KIAA2012: variants seen among roughly 807,000 people sequenced by gnomAD.
The protein encoded by KIAA2012 is KIAA2012.
In KIAA2012, 125 loss-of-function variants were observed where a neutral mutation model predicts 150.6. The observed-to-expected ratio is 0.83, with a 90% confidence interval of 0.72 to 0.96. KIAA2012 has a LOEUF of 0.96. KIAA2012 is among the 40% of genes least tolerant of loss of function. The probability of loss-of-function intolerance (pLI) is 0.00; values close to 1 mark genes in which losing one functional copy is unlikely to be tolerated. For missense variants in KIAA2012, 1,219 were observed against 1,354.9 expected, an observed-to-expected ratio of 0.90 and a Z score of 1.57; for synonymous variants, 462 against 504.7, an observed-to-expected ratio of 0.92 and a Z score of 1.13.
chr2:202,131,905 G>A (rs1690939376), intron 12 of KIAA2012, among the ~76,000 whole-genome samples: 2 of 152,168 alleles, frequency 1.3e-5, no homozygotes, highest in South Asian at 2.1e-4. Context: ...GCCTGGTGCG[G>A]TGGCTCATGC....
In KIAA2012 at chr2:202,103,045, C is replaced by G; in HGVS notation, c.1255C>G (p.Leu419Val). Residue 419 changes from leucine (L) to valine (V), a missense_variant, in exon 8 of 24, where the codon CTC becomes GTC. Leu to Val is a conservative substitution (Grantham distance 32). Coordinates refer to ENST00000498697, the MANE Select transcript of KIAA2012 (RefSeq NM_001277372.4). ...TAAAGCCAATGAGCCCCCAACAGAG[C>G]TCTTCATCTTACCGGTGGAGATTCA... ...QFKANEPPTE[L>V]FILPVEIHYH... is the part of the protein sequence containing the mutation. The G allele has an allele frequency of 1.3e-6, 2 of 1,550,602 alleles. No individual in the cohort carries two copies. The highest frequency in any genetic ancestry group is 1.7e-6 in the Non-Finnish European group (2 of 1,147,002).
intron 13 of KIAA2012, among the ~76,000 whole-genome samples, chr2:202,149,241 G>A (rs1043895861): frequency 3.3e-5 from 5 of 152,158 alleles, no homozygotes; most frequent in Non-Finnish European, 7.3e-5. Flanking sequence ...ATCAGCCAAC[G>A]AGGGGAGCCT....
chr2:202,146,761 C>T (rs991481186), intron 13 of KIAA2012, among the ~76,000 whole-genome samples: 2 of 151,982 alleles, frequency 1.3e-5, no homozygotes, highest in Admixed American at 6.6e-5. Context: ...GTCATACGAC[C>T]GCACTCCAGT....
intron 5 of KIAA2012, among the ~76,000 whole-genome samples, chr2:202,098,789 CGTGTGTGTGTGT>C (rs10536026): frequency 2.2e-4 from 32 of 148,408 alleles, no homozygotes; most frequent in Non-Finnish European, 4.3e-4. Context: ...ACTCTAAGGC[CGTGTGTGTGTGT>C]GTGTGTGTGT....
At position 202,131,554 on chromosome 2, in the gene KIAA2012, G is replaced by A. The variant is rs1292417529; in HGVS notation, c.1831+6272G>A. Among the ~76,000 whole-genome samples the A allele has an allele frequency of 3.3e-5, 5 of 152,358 alleles. No homozygotes were observed. The South Asian group carries it at 1.0e-3, about 32-fold the overall frequency. The stretch of plus-strand genomic sequence containing the variant: ...GGTAGGCACAAAAATACAGTTGAGA[G>A]ACCACGTCCATGCCTTAAAGTAGTC... On this transcript the variant is annotated intron_variant, in intron 12 of 23. Transcript: ENST00000498697.
intron 15 of KIAA2012, among the ~76,000 whole-genome samples, chr2:202,165,802 A>G (rs1691745805): frequency 6.6e-6 from 1 of 152,208 alleles, no homozygotes; most frequent in Non-Finnish European, 1.5e-5. Context: ...ATCTTTTACC[A>G]TGTCCTTCAG....
intron 15 of KIAA2012, among the ~76,000 whole-genome samples, chr2:202,172,260 G>A (rs1025135134): frequency 6.6e-6 from 1 of 152,270 alleles, no homozygotes; most frequent in Non-Finnish European, 1.5e-5. Flanking sequence ...GGCTCAAAGA[G>A]GTTAGGTAAC....
Position 202,187,090 on chromosome 2 carries a change from A to G in KIAA2012, c.2368A>G (p.Ile790Val). 6.4e-7 allele frequency: 1 copy of G among 1,550,576 alleles called. No homozygotes were observed. Among genetic ancestry groups the G allele is most frequent in the South Asian group, 1.2e-5 (1 of 84,064 alleles). ...GTTTAGCCAGGAGACATCAGCCAAC[A>G]TCAGTCATGTGAGTGTAAACCCCTA... ...RLFSQETSAN[I>V]SHERDLINEA... The change falls in exon 17 of 24, where the codon ATC becomes GTC. Residue 790 changes from isoleucine to valine, a missense_variant. By Grantham distance (29) the Ile-to-Val change is conservative (BLOSUM62 3). Transcript: ENST00000498697.
At chr2:202,203,645 T>C (rs945386614) in intron 23 of KIAA2012, among the ~76,000 whole-genome samples, 5 of 152,254 alleles carry the variant, frequency 3.3e-5, no homozygotes, top group African/African-American at 1.2e-4. Context: ...GGAAGTTCTA[T>C]TGGGCAGCAT....
intron 22 of KIAA2012, among the ~76,000 whole-genome samples, chr2:202,200,654 A>C (rs1026074524): frequency 6.6e-6 from 1 of 152,038 alleles, no homozygotes; most frequent in African/African-American, 2.4e-5. Context: ...ATAACAAGTA[A>C]TATAAATCAA....
intron 2 of KIAA2012, among the ~76,000 whole-genome samples, chr2:202,084,372 AG>A (rs1421562065): frequency 3.3e-5 from 5 of 152,176 alleles, no homozygotes; most frequent in African/African-American, 1.2e-4. Context: ...GTGCGGGGGA[AG>A]GGACAGTTAC....
At chr2:202,202,840 T>C (rs3181155) in intron 23 of KIAA2012, among the ~76,000 whole-genome samples, 40,443 of 151,420 alleles carry the variant, frequency 0.27, 6,146 homozygotes, top group Non-Finnish European at 0.34. Context: ...TGAAGGAGGA[T>C]CACTTGAGCC....
intron 2 of KIAA2012, among the ~76,000 whole-genome samples, chr2:202,087,499 C>A (rs1332233717): frequency 1.1e-5 from 1 of 89,788 alleles, no homozygotes; most frequent in Non-Finnish European, 2.0e-5. Context: ...GTTGACAAAG[C>A]GAAACCATCT....
intron 15 of KIAA2012, among the ~76,000 whole-genome samples, chr2:202,177,483 G>A (rs1005334068): frequency 3.3e-5 from 5 of 152,192 alleles, no homozygotes; most frequent in Non-Finnish European, 7.3e-5. Context: ...AGATCAAGAT[G>A]CAGGTTTCTT....
chr2:202,095,273 T>C (rs566869836), intron 4 of KIAA2012, among the ~76,000 whole-genome samples: 1 of 152,376 alleles, frequency 6.6e-6, no homozygotes, highest in Admixed American at 6.5e-5. Context: ...TTTCATTTGT[T>C]TGAACCTCAT....
At chr2:202,168,697 T>C (rs188792768) in intron 15 of KIAA2012, among the ~76,000 whole-genome samples, 51 of 152,272 alleles carry the variant, frequency 3.3e-4, no homozygotes, top group African/African-American at 1.1e-3. Context: ...CCTTCCAGCC[T>C]CTGCATTCAG....
chr2:202,150,454 T>C, intron 13 of KIAA2012, among the ~76,000 whole-genome samples: 1 of 135,336 alleles, frequency 7.4e-6, no homozygotes, highest in East Asian at 2.7e-4. Flanking sequence ...TTTTGTTTTT[T>C]GTGTTTTTTT....
intron 15 of KIAA2012, among the ~76,000 whole-genome samples, chr2:202,182,035 CTA>C (rs986809432): frequency 1.5e-4 from 22 of 151,300 alleles, no homozygotes; most frequent in African/African-American, 4.8e-4. Context: ...TTTTCTGTCA[CTA>C]TAGATTAGTT....
chr2:202,149,685 C>T (rs960034005), intron 13 of KIAA2012, among the ~76,000 whole-genome samples: 1 of 152,110 alleles, frequency 6.6e-6, no homozygotes, highest in Non-Finnish European at 1.5e-5. Context: ...TGAGGAGGGC[C>T]GGAGGGACAC....
Sources: allele counts gnomAD v4.1 joint callset (sites outside exome capture counted in the v4.1 genomes callset), GRCh38; gene constraint gnomAD v4.1.1; transcripts MANE v1.5; gene names NCBI Gene and HGNC (gene_info 2026-07-23, HGNC 2026-07-21).